The following ATP11B variants were observed in gnomAD, a reference collection of about 807,000 sequenced individuals.
The protein encoded by ATP11B is phospholipid-transporting ATPase IF.
ATP11B carries 81 observed loss-of-function variants against 157.8 expected under a neutral mutation model. The ratio of observed to expected loss-of-function variants is 0.51; its 90% CI spans 0.43 to 0.62. The LOEUF (loss-of-function observed/expected upper bound fraction) is 0.62. Ranked by LOEUF, ATP11B falls within the 20% of genes least tolerant of loss-of-function variation. The probability of loss-of-function intolerance (pLI) is 0.00; values close to 1 mark genes in which losing one functional copy is unlikely to be tolerated. For synonymous variants in ATP11B, 451 were observed against 469.4 expected (o/e 0.96, Z 0.51); for missense variants, 1,165 against 1,402.2 (o/e 0.83, Z 2.70).
chr3:182,881,976 A>T (rs549366964), intron 21 of ATP11B, among the ~76,000 whole-genome samples: 5 of 152,316 alleles, frequency 3.3e-5, no homozygotes, highest in Admixed American at 6.5e-5. Flanking sequence ...TATTAGATTC[A>T]GACTGCTAAT....
At chr3:182,801,708 G>T (rs944789224) in intron 1 of ATP11B, among the ~76,000 whole-genome samples, 1 of 151,994 alleles carries the variant, frequency 6.6e-6, no homozygotes, top group African/African-American at 2.4e-5. Context: ...CTCCAAAATC[G>T]CTTCTTCCTT....
intron 12 of ATP11B, among the ~76,000 whole-genome samples, chr3:182,863,768 C>CT (rs1488810152): frequency 2.6e-5 from 4 of 151,788 alleles, no homozygotes; most frequent in African/African-American, 9.7e-5. Flanking sequence ...ACCATCTAAT[C>CT]TTTTTTCTAA....
chr3:182,894,907 C>T (rs990004879), intron 25 of ATP11B, among the ~76,000 whole-genome samples: 6 of 150,614 alleles, frequency 4.0e-5, no homozygotes, highest in African/African-American at 1.2e-4. Flanking sequence ...CACTTGAGCC[C>T]AGGAGTTCAA....
intron 28 of ATP11B, among the ~76,000 whole-genome samples, chr3:182,911,279 C>T (rs1413755737): frequency 1.6e-5 from 2 of 125,796 alleles, no homozygotes; most frequent in Non-Finnish European, 3.2e-5. Context: ...ATGCCCCCCC[C>T]CGCTAAGTCC....
intron 10 of ATP11B, among the ~76,000 whole-genome samples, chr3:182,852,151 A>G (rs1430045057): frequency 6.6e-6 from 1 of 152,336 alleles, no homozygotes; most frequent in East Asian, 1.9e-4. Context: ...AAATTAAAAA[A>G]CAACTCTTTT....
intron 13 of ATP11B, 67 bp from the exon 14 acceptor site, chr3:182,866,201 C>T: frequency 8.2e-7 from 1 of 1,217,188 alleles, no homozygotes; most frequent in South Asian, 2.0e-5. Flanking sequence ...TAGAATTTTG[C>T]CTCTGGTTTC....
chr3:182,794,248 C>G (rs927773258), intron 1 of ATP11B, among the ~76,000 whole-genome samples: 1 of 152,168 alleles, frequency 6.6e-6, no homozygotes, highest in African/African-American at 2.4e-5. Context: ...CTTCTGCCCC[C>G]ACTCGTCACG....
chr3:182,841,711 G>A lies in ATP11B; in HGVS notation c.657-364G>A, dbSNP rs574674166. On this transcript the variant is annotated intron_variant, in intron 7 of 29. Transcript: ENST00000323116. ...AGAATGGTGCAGGCCGGGTGCAGTG[G>A]CTCACACCTGTAATCCCAACACTTT... 2.2e-4 allele frequency among the ~76,000 whole-genome samples: 34 copies of A among 152,150 alleles called. 1 individual carries two copies. In the South Asian group the frequency reaches 6.8e-3, roughly 31 times the overall value.
At chr3:182,860,478 T>C (rs1720749313) in intron 12 of ATP11B, among the ~76,000 whole-genome samples, 2 of 152,180 alleles carry the variant, frequency 1.3e-5, no homozygotes, top group African/African-American at 4.8e-5. Context: ...TGTTCGTTTT[T>C]CCTTTTTTAT....
intron 4 of ATP11B, among the ~76,000 whole-genome samples, chr3:182,834,447 G>A (rs1005065663): frequency 6.6e-6 from 1 of 152,064 alleles, no homozygotes; most frequent in Non-Finnish European, 1.5e-5. Context: ...CTCCTACCCA[G>A]GGAGCAATTA....
chr3:182,796,331 T>C (rs992903913), intron 1 of ATP11B, among the ~76,000 whole-genome samples: 4 of 152,244 alleles, frequency 2.6e-5, no homozygotes, highest in Non-Finnish European at 5.9e-5. Context: ...ATATTTTATG[T>C]ATTAACTCAT....
intron 7 of ATP11B, among the ~76,000 whole-genome samples, chr3:182,839,200 A>C (rs141662164): frequency 2.0e-5 from 3 of 152,358 alleles, no homozygotes; most frequent in Admixed American, 1.3e-4. Flanking sequence ...CAAATACTGC[A>C]TATCCTTACT....
intron 9 of ATP11B, among the ~76,000 whole-genome samples, chr3:182,847,137 G>C (rs1258381628): frequency 6.8e-6 from 1 of 146,138 alleles, no homozygotes; most frequent in Non-Finnish European, 1.5e-5. Context: ...TGCAACCTCT[G>C]CCTCCCGGGT....
At chr3:182,794,202 G>A (rs186342779) in intron 1 of ATP11B, among the ~76,000 whole-genome samples, 132 of 152,306 alleles carry the variant, frequency 8.7e-4, no homozygotes, top group Non-Finnish European at 1.4e-3. Flanking sequence ...GAACAATTTG[G>A]GACGTGTTTG....
chr3:182,899,719 G>T (rs532223845), intron 28 of ATP11B, among the ~76,000 whole-genome samples: 1 of 152,148 alleles, frequency 6.6e-6, no homozygotes, highest in South Asian at 2.1e-4. Flanking sequence ...GTAAAATTAT[G>T]ATAGAAATAC....
chr3:182,909,819 T>G (rs1724640728), intron 28 of ATP11B, among the ~76,000 whole-genome samples: 1 of 152,100 alleles, frequency 6.6e-6, no homozygotes, highest in Non-Finnish European at 1.5e-5. Flanking sequence ...ATCCTAGCAC[T>G]TTGGGAGGCT....
intron 1 of ATP11B, among the ~76,000 whole-genome samples, chr3:182,818,708 C>T (rs530898336): frequency 9.2e-5 from 14 of 152,254 alleles, no homozygotes; most frequent in Non-Finnish European, 1.9e-4. Context: ...CATGGGATCT[C>T]ACACTATCTG....
At position 182,918,882 on chromosome 3, in the gene ATP11B, T is replaced by G. The variant is rs1001864827; in HGVS notation, c.*778T>G. 6.6e-6 allele frequency: 1 copy of G among 152,316 alleles called. No individual in the cohort carries two copies. Among genetic ancestry groups the G allele is most frequent in the East Asian group, 1.9e-4 (1 of 5,200 alleles). 9.4% of individuals were successfully genotyped at this position (152,316 alleles called of 1,614,324 possible). A position where few individuals can be genotyped will look rare whatever the true frequency, so the allele number is the denominator to read the frequency against. On this transcript the variant is annotated 3_prime_UTR_variant, in exon 30 of 30. Coordinates refer to ENST00000323116, the MANE Select transcript of ATP11B (RefSeq NM_014616.3). ...GTATAAAGACCCTATAGTGGGTAAA[T>G]TAGATACTATTAGCATATTATTAAT...
At chr3:182,854,125 A>G (rs1035613978) in intron 10 of ATP11B, among the ~76,000 whole-genome samples, 51 of 152,346 alleles carry the variant, frequency 3.3e-4, no homozygotes, top group African/African-American at 1.7e-4. Flanking sequence ...CTGTACTCCA[A>G]AAAGTTTTGA....
Sources: allele counts gnomAD v4.1 joint callset (sites outside exome capture counted in the v4.1 genomes callset), GRCh38; gene constraint gnomAD v4.1.1; transcripts MANE v1.5; gene names NCBI Gene and HGNC (gene_info 2026-07-23, HGNC 2026-07-21).